CTNNA3: variants seen among roughly 807,000 people sequenced by gnomAD.
The protein encoded by CTNNA3 is catenin alpha-3.
Under a neutral mutation model 95.7 loss-of-function variants are expected in CTNNA3, and 76 were observed. The ratio of observed to expected loss-of-function variants is 0.79; its 90% CI spans 0.66 to 0.96. CTNNA3 has a LOEUF of 0.96. Among genes scored for constraint, CTNNA3 ranks in the 40% least tolerant of loss-of-function variants. The pLI is 0.00. For synonymous variants in CTNNA3, 431 were observed against 374.4 expected, an observed-to-expected ratio of 1.15 and a Z score of -1.74; for missense variants, 1,191 against 1,089.8, an observed-to-expected ratio of 1.09 and a Z score of -1.31.
intron 13 of CTNNA3, among the ~76,000 whole-genome samples, chr10:66,165,351 T>C (rs117155289): frequency 3.9e-3 from 594 of 152,198 alleles, no homozygotes; most frequent in Non-Finnish European, 4.5e-3. Context: ...AAACTAATTA[T>C]TGGGCACCAT....
intron 7 of CTNNA3, chr10:67,015,146 A>C (rs540138702): frequency 1.3e-5 from 2 of 152,276 alleles, no homozygotes; most frequent in East Asian, 3.9e-4. Flanking sequence ...AGGGAAATTA[A>C]CTGATACCTC....
At chr10:67,537,920 C>T (rs1032078097) in intron 4 of CTNNA3, among the ~76,000 whole-genome samples, 1 of 151,844 alleles carries the variant, frequency 6.6e-6, no homozygotes, top group Non-Finnish European at 1.5e-5. Context: ...CACTAGTAAA[C>T]AGCTGCTGGT....
chr10:66,820,415 C>A (rs1842266314), intron 7 of CTNNA3, among the ~76,000 whole-genome samples: 1 of 151,570 alleles, frequency 6.6e-6, no homozygotes, highest in Non-Finnish European at 1.5e-5. Flanking sequence ...ATCATAGCTG[C>A]ACAATTTTGT....
At chr10:67,296,612 G>C (rs1335887554) in intron 5 of CTNNA3, among the ~76,000 whole-genome samples, 2 of 152,176 alleles carry the variant, frequency 1.3e-5, no homozygotes, top group Admixed American at 6.5e-5. Flanking sequence ...TCACTTGGTA[G>C]TTGGATGACC....
chr10:66,232,079 G>C (rs1197046394), intron 13 of CTNNA3, among the ~76,000 whole-genome samples: 2 of 152,112 alleles, frequency 1.3e-5, no homozygotes, highest in Admixed American at 1.3e-4. Context: ...ATACAGTTGA[G>C]GTTTTCAGAG....
chr10:67,736,419 G>A (rs1020635890), intron 1 of CTNNA3, among the ~76,000 whole-genome samples: 1 of 150,858 alleles, frequency 6.6e-6, no homozygotes, highest in African/African-American at 2.4e-5. Flanking sequence ...GTACTTAAAT[G>A]GTAAATTTTA....
intron 5 of CTNNA3, among the ~76,000 whole-genome samples, chr10:67,226,179 A>C (rs1864903959): frequency 6.6e-6 from 1 of 152,166 alleles, no homozygotes; most frequent in Admixed American, 6.5e-5. Context: ...GACAAAGAAA[A>C]AAGAATAAGA....
Position 65,950,858 on chromosome 10 carries a change from C to T in CTNNA3, c.2400+15754G>A, listed in dbSNP as rs560061082. On this transcript the variant is annotated intron_variant, in intron 17 of 17. Transcript: ENST00000433211. ...ACATCTATACTTTTTTTTATCTCCC[C>T]CCTTCATTTCTTTCCTTCCCATATC... Among the ~76,000 whole-genome samples, 13 of 152,078 alleles carry T rather than the reference C, an allele frequency of 8.5e-5. No individual in the cohort carries two copies. In the South Asian group the frequency reaches 2.3e-3, roughly 27 times the overall value.
intron 7 of CTNNA3, among the ~76,000 whole-genome samples, chr10:67,069,407 C>T (rs758400441): frequency 1.4e-4 from 22 of 151,954 alleles, no homozygotes; most frequent in African/African-American, 2.9e-4. Flanking sequence ...ACTCAAAAAA[C>T]GCTCATTGTA....
intron 3 of CTNNA3, among the ~76,000 whole-genome samples, chr10:67,543,963 C>T (rs971552711): frequency 6.6e-6 from 1 of 152,016 alleles, no homozygotes; most frequent in Non-Finnish European, 1.5e-5. Flanking sequence ...GTAAAGACTC[C>T]CCTTTAAAAT....
chr10:66,709,564 T>C (rs10509274), intron 9 of CTNNA3, among the ~76,000 whole-genome samples: 4,918 of 152,206 alleles, frequency 0.032, 213 homozygotes, highest in East Asian at 0.22. Flanking sequence ...TTTTGAATAC[T>C]TGGGTTTATG....
At chr10:67,447,084 G>C (rs929630239) in intron 5 of CTNNA3, among the ~76,000 whole-genome samples, 83 of 152,320 alleles carry the variant, frequency 5.4e-4, no homozygotes, top group African/African-American at 1.9e-3. Flanking sequence ...CAGCCTGGGT[G>C]ACAGAGAGAG....
chr10:66,955,137 G>A (rs1848721633), intron 7 of CTNNA3, among the ~76,000 whole-genome samples: 1 of 152,020 alleles, frequency 6.6e-6, no homozygotes, highest in Non-Finnish European at 1.5e-5. Flanking sequence ...ACTTTTCCTA[G>A]GTGCCTTTGG....
intron 7 of CTNNA3, among the ~76,000 whole-genome samples, chr10:66,982,402 G>GT (rs1274751877): frequency 6.6e-6 from 1 of 152,106 alleles, no homozygotes; most frequent in Non-Finnish European, 1.5e-5. Context: ...CTAAATCTCA[G>GT]TTTTTTCACC....
At chr10:66,453,139 C>A (rs1314077045) in intron 11 of CTNNA3, among the ~76,000 whole-genome samples, 1 of 151,778 alleles carries the variant, frequency 6.6e-6, no homozygotes, top group East Asian at 1.9e-4. Flanking sequence ...ATCACTTGAA[C>A]CTGGGAGGCA....
intron 5 of CTNNA3, among the ~76,000 whole-genome samples, chr10:67,448,504 A>C (rs1846840076): frequency 6.6e-6 from 1 of 152,114 alleles, no homozygotes; most frequent in Non-Finnish European, 1.5e-5. Context: ...AGCCTAAAAT[A>C]GAAAGAACTT....
rs1280386697 is a variant in CTNNA3 at position 65,950,889 on chromosome 10, T to TTG, written c.2400+15721_2400+15722dup. 4.6e-5 allele frequency among the ~76,000 whole-genome samples: 7 copies of TTG among 152,070 alleles called. No homozygotes were observed. The East Asian group carries it at 1.4e-3, about 29-fold the overall frequency. On this transcript the variant is annotated intron_variant, in intron 17 of 17. Coordinates refer to ENST00000433211, the MANE Select transcript of CTNNA3 (RefSeq NM_013266.4). ...ATTTCTTTCCTTCCCATATCCAGGT[T>TTG]TGTGTGTGTGTGCTTCATCCAGATT...
intron 9 of CTNNA3, among the ~76,000 whole-genome samples, chr10:66,743,974 C>CAAAAAAAAAAA (rs536825430): frequency 2.2e-5 from 1 of 45,060 alleles, no homozygotes; most frequent in Non-Finnish European, 4.3e-5. Context: ...GATTCCATCT[C>CAAAAAAAAAAA]AAAAAAAAAA....
chr10:67,285,712 A>T (rs1839570403), intron 5 of CTNNA3, among the ~76,000 whole-genome samples: 1 of 152,240 alleles, frequency 6.6e-6, no homozygotes, highest in Admixed American at 6.5e-5. Context: ...TCAATTATTT[A>T]AAATTAATAT....
Sources: allele counts gnomAD v4.1 joint callset (sites outside exome capture counted in the v4.1 genomes callset), GRCh38; gene constraint gnomAD v4.1.1; transcripts MANE v1.5; gene names NCBI Gene and HGNC (gene_info 2026-07-23, HGNC 2026-07-21).